The following MYO1H variants were observed in gnomAD, a reference collection of about 807,000 sequenced individuals.
MYO1H encodes unconventional myosin-Ih.
Under a neutral mutation model 149.3 loss-of-function variants are expected in MYO1H, and 118 were observed. That is an observed-to-expected ratio of 0.79 (90% confidence interval 0.68 to 0.92). The LOEUF (loss-of-function observed/expected upper bound fraction) is 0.92. Among genes scored for constraint, MYO1H ranks in the 40% least tolerant of loss-of-function variants. The probability of loss-of-function intolerance (pLI) is 0.00; values close to 1 mark genes in which losing one functional copy is unlikely to be tolerated. For missense variants in MYO1H, 1,212 were observed against 1,280.7 expected (o/e 0.95, Z 0.82); for synonymous variants, 447 against 465.2 (o/e 0.96, Z 0.50).
chr12:109,439,161 G>A (rs1872000542), intron 23 of MYO1H, among the ~76,000 whole-genome samples: 1 of 149,962 alleles, frequency 6.7e-6, no homozygotes, highest in Admixed American at 6.6e-5. Context: ...TGCAACCTCC[G>A]CCTTCTGGGT....
exon 32 of MYO1H, chr12:109,447,680 G>A (rs530831382): frequency 9.0e-5 from 16 of 177,794 alleles, no homozygotes; most frequent in Non-Finnish European, 1.3e-4. Flanking sequence ...TTCCTCCCAC[G>A]TCCCCAAGGT....
chr12:109,387,037 T>TGTGTGTA (rs1555249858), intron 1 of MYO1H, among the ~76,000 whole-genome samples: 3 of 141,320 alleles, frequency 2.1e-5, no homozygotes, highest in Admixed American at 7.1e-5. Context: ...TGTGTGTGTG[T>TGTGTGTA]GTGTAGTGTA....
At position 109,363,243 on chromosome 12, in the gene MYO1H, G is replaced by A. The variant is rs75164265; in HGVS notation, c.12+15271G>A. On this transcript the variant is annotated intron_variant, in intron 1 of 31. Transcript: ENST00000310903. The stretch of plus-strand genomic sequence containing the variant: ...TTAGTATCTTTCCTAGATGTTGTGA[G>A]TACATTTCATTTGTTGCCCCTGACC... Among the ~76,000 whole-genome samples, 160 of 152,316 alleles carry A rather than the reference G, an allele frequency of 1.1e-3. 3 individuals are homozygous for A. The East Asian group carries it at 0.025, about 24-fold the overall frequency.
intron 20 of MYO1H, among the ~76,000 whole-genome samples, chr12:109,433,233 A>G (rs1455235312): frequency 1.3e-5 from 2 of 152,172 alleles, no homozygotes; most frequent in African/African-American, 2.4e-5. Flanking sequence ...AAACTTCCGC[A>G]CTAAACTGAT....
rs1592823030 is a variant in MYO1H at position 109,443,040 on chromosome 12, G to GTGTGTATACACATATATA, written c.2689-469_2689-468insATACACATATATATGTGT. ...TATATATATATATATGTGTGTGTGT[G>GTGTGTATACACATATATA]TGTGTGTATATATGTGTACGTATGT... is the stretch of plus-strand genomic sequence containing the variant. On this transcript the variant is annotated intron_variant, in intron 27 of 31. Transcript: ENST00000310903. Among the ~76,000 whole-genome samples the GTGTGTATACACATATATA allele has an allele frequency of 9.4e-5, 4 of 42,734 alleles. 1 individual carries two copies. The highest frequency in any genetic ancestry group is 6.5e-4 in the East Asian group (1 of 1,548). The allele number at this position is 42,734 out of a possible 152,430, so 28.0% of individuals were successfully genotyped here. A position where few individuals can be genotyped will look rare whatever the true frequency, so the allele number is the denominator to read the frequency against.
exon 24 of MYO1H, chr12:109,439,746 G>A: frequency 6.2e-7 from 1 of 1,613,962 alleles, no homozygotes; most frequent in Non-Finnish European, 8.5e-7. Flanking sequence ...TCCAAAGACT[G>A]TCCTGGACAA....
chr12:109,431,828 C>T (rs1157463945), intron 19 of MYO1H, among the ~76,000 whole-genome samples: 1 of 151,908 alleles, frequency 6.6e-6, no homozygotes, highest in African/African-American at 2.4e-5. Flanking sequence ...AAGCATGGAA[C>T]CCTTTCTTTC....
chr12:109,432,418 C>T (rs567784746), intron 19 of MYO1H, among the ~76,000 whole-genome samples: 1 of 152,278 alleles, frequency 6.6e-6, no homozygotes, highest in Non-Finnish European at 1.5e-5. Context: ...GCACCATACC[C>T]GGTCTCAAGC....
rs1176685832 is a variant in MYO1H, at chr12:109,440,750, G to C, written c.2461G>C (p.Asp821His). Reference sequence around the variant, plus strand: ...AAGTGTGTTCTCCACACAGGCATCAGATCTGCTCAGGAAAATGTGCGTGAG... The same window carrying C: ...AAGTGTGTTCTCCACACAGGCATCACATCTGCTCAGGAAAATGTGCGTGAG... Residue 821 changes from aspartate to histidine, a missense_variant, in exon 25 of 32, where the codon GAT (aspartate) becomes CAT (histidine). Transcript: ENST00000310903. 9 of 1,560,056 alleles carry C rather than the reference G, an allele frequency of 5.8e-6. No individual in the cohort carries two copies. The highest frequency in any genetic ancestry group is 2.7e-5 in the African/African-American group (2 of 73,436).
Position 109,404,197 on chromosome 12 carries a change from G to T in MYO1H, c.849+117G>T, listed in dbSNP as rs201444345. 3.1e-5 allele frequency: 24 copies of T among 765,434 alleles called. No homozygotes were observed. In the East Asian group the frequency reaches 6.5e-4, roughly 21 times the overall value. The allele number at this position is 765,434 out of a possible 1,614,324, so 47.4% of individuals were successfully genotyped here. Reference sequence around the variant, plus strand: ...TCAACAAATAAAAATACAGGATGCAGCTGGGTGTGGTGGCGCACACCTGTA... The same window carrying T: ...TCAACAAATAAAAATACAGGATGCATCTGGGTGTGGTGGCGCACACCTGTA... On this transcript the variant is annotated intron_variant, in intron 7 of 31. Transcript: ENST00000310903.
intron 2 of MYO1H, among the ~76,000 whole-genome samples, chr12:109,392,721 A>G (rs1441667449): frequency 6.6e-6 from 1 of 151,626 alleles, no homozygotes; most frequent in Admixed American, 6.6e-5. Context: ...GTCTCAAAAA[A>G]AAGAAGACGA....
chr12:109,432,978 C>G (rs750786448), exon 20 of MYO1H: 30 of 1,614,040 alleles, frequency 1.9e-5, no homozygotes, highest in Non-Finnish European at 2.5e-5. Flanking sequence ...TCAAGTACAT[C>G]GGCTACAAAC....
intron 19 of MYO1H, among the ~76,000 whole-genome samples, chr12:109,430,212 G>A (rs1029843144): frequency 3.3e-5 from 5 of 152,194 alleles, no homozygotes; most frequent in South Asian, 2.1e-4. Flanking sequence ...AGAGGCCAGC[G>A]TGGCAGCTGG....
At chr12:109,378,315 T>TA (rs1018865860) in intron 1 of MYO1H, among the ~76,000 whole-genome samples, 1 of 151,634 alleles carries the variant, frequency 6.6e-6, no homozygotes, top group Non-Finnish European at 1.5e-5. Flanking sequence ...TTTTTTTCTT[T>TA]TTTATTTATT....
chr12:109,430,257 C>T (rs746143707), intron 19 of MYO1H, among the ~76,000 whole-genome samples: 3 of 152,126 alleles, frequency 2.0e-5, no homozygotes, highest in Admixed American at 6.5e-5. Flanking sequence ...GGGAGATTCA[C>T]GGGATCGAGC....
chr12:109,410,344 G>A (rs1870613843), intron 12 of MYO1H, among the ~76,000 whole-genome samples: 1 of 151,964 alleles, frequency 6.6e-6, no homozygotes, highest in Non-Finnish European at 1.5e-5. Context: ...GTCTCTCTAT[G>A]TTGCCCAGGC....
chr12:109,398,348 T>C (rs1220927216), intron 5 of MYO1H, among the ~76,000 whole-genome samples: 1 of 152,198 alleles, frequency 6.6e-6, no homozygotes, highest in Non-Finnish European at 1.5e-5. Flanking sequence ...CCAACAGGCA[T>C]TACACTGCAG....
At chr12:109,381,175 A>G (rs1869197844) in intron 1 of MYO1H, among the ~76,000 whole-genome samples, 1 of 152,206 alleles carries the variant, frequency 6.6e-6, no homozygotes, top group South Asian at 2.1e-4. Flanking sequence ...TTCAAGGTCT[A>G]GGTTGAAAAT....
At chr12:109,405,493 T>C (rs571213644) in intron 7 of MYO1H, among the ~76,000 whole-genome samples, 259 of 152,218 alleles carry the variant, frequency 1.7e-3, no homozygotes, top group South Asian at 4.6e-3. Flanking sequence ...GTGTTTTTAG[T>C]AGAGATGGGG....
Sources: gnomAD v4.1 joint callset for allele counts (sites outside exome capture counted in the v4.1 genomes callset) on GRCh38, gnomAD v4.1.1 for gene constraint, MANE v1.5 for transcripts, NCBI Gene and HGNC (gene_info 2026-07-23, HGNC 2026-07-21) for gene names.